The following SYT16 variants were observed in gnomAD, a reference collection of about 807,000 sequenced individuals.
SYT16 encodes synaptotagmin 16.
A neutral mutation model predicts 61.4 loss-of-function variants in SYT16; 42 were observed. The observed-to-expected ratio is 0.68, with a 90% CI of 0.53 to 0.89. The LOEUF is 0.89. Among genes scored for constraint, SYT16 ranks in the 40% least tolerant of loss-of-function variants. The pLI is 0.00. For synonymous variants in SYT16, 314 were observed against 302.3 expected, an observed-to-expected ratio of 1.04 and a Z score of -0.40; for missense variants, 804 against 807.3, an observed-to-expected ratio of 1.00 and a Z score of 0.05.
chr14:62,062,222 C>CT (rs1485035605), intron 3 of SYT16, among the ~76,000 whole-genome samples: 5 of 152,054 alleles, frequency 3.3e-5, no homozygotes, highest in Admixed American at 1.3e-4. Flanking sequence ...AGATGTTGAT[C>CT]TTTTTTCTGC....
intron 1 of SYT16, among the ~76,000 whole-genome samples, chr14:61,853,512 A>C (rs988129185): frequency 2.0e-5 from 3 of 152,178 alleles, no homozygotes; most frequent in African/African-American, 7.2e-5. Context: ...AGGCCTTCAT[A>C]AAATAGGGCT....
chr14:62,018,303 T>A (rs796293385), intron 3 of SYT16, among the ~76,000 whole-genome samples: 1 of 92,980 alleles, frequency 1.1e-5, no homozygotes, highest in South Asian at 4.3e-4. Flanking sequence ...TTCTTCTTTT[T>A]TTTTTTTTTT....
At chr14:61,905,454 G>C (rs763286436) in intron 1 of SYT16, among the ~76,000 whole-genome samples, 8 of 152,250 alleles carry the variant, frequency 5.3e-5, no homozygotes, top group Non-Finnish European at 8.8e-5. Flanking sequence ...AGAAGTGGCT[G>C]TCTAGGTAGG....
intron 3 of SYT16, among the ~76,000 whole-genome samples, chr14:62,050,876 G>A (rs112366983): frequency 0.07 from 10,660 of 152,162 alleles, 476 homozygotes; most frequent in East Asian, 0.12. Flanking sequence ...GTGTCAGTCC[G>A]CCCCTACTGG....
intron 1 of SYT16, among the ~76,000 whole-genome samples, chr14:61,871,512 A>T (rs1018217149): frequency 2.6e-5 from 4 of 152,152 alleles, no homozygotes; most frequent in African/African-American, 9.7e-5. Context: ...CTGTCCCGTG[A>T]CCTGCTCTCC....
chr14:62,061,847 G>A (rs1338092458), intron 3 of SYT16, among the ~76,000 whole-genome samples: 1 of 152,024 alleles, frequency 6.6e-6, no homozygotes, highest in Admixed American at 6.5e-5. Context: ...AAAAAAAACA[G>A]CAAGTATATA....
At chr14:61,823,574 C>CAAAAAAAAAAAA (rs55935256) in intron 1 of SYT16, among the ~76,000 whole-genome samples, 47 of 70,788 alleles carry the variant, frequency 6.6e-4, no homozygotes, top group Non-Finnish European at 8.0e-4. Context: ...ACTAAAAATA[C>CAAAAAAAAAAAA]AAAAAAAAAA....
rs1266652217 is a variant in SYT16 at position 62,107,646 on chromosome 14, A to G, written c.*6939A>G. ...ATTTTTGGCTTAATGTATTTCTGTA[A>G]TTGTCTCTTTCCCCCTTTGAAAGGC... On this transcript the variant is annotated 3_prime_UTR_variant, in exon 8 of 8. Transcript: ENST00000683842. 1 of 152,062 alleles carries G rather than the reference A, an allele frequency of 6.6e-6. No individual in the cohort carries two copies. The highest frequency in any genetic ancestry group is 1.5e-5 in the Non-Finnish European group (1 of 67,982). 9.4% of individuals were successfully genotyped at this position (152,062 alleles called of 1,614,324 possible). A position where few individuals can be genotyped will look rare whatever the true frequency, so the allele number is the denominator to read the frequency against.
At chr14:62,050,241 C>G (rs1021360757) in intron 3 of SYT16, among the ~76,000 whole-genome samples, 1 of 152,166 alleles carries the variant, frequency 6.6e-6, no homozygotes, top group Non-Finnish European at 1.5e-5. Context: ...TTTGCTGATA[C>G]CCTTTCTTCC....
intron 1 of SYT16, among the ~76,000 whole-genome samples, chr14:61,906,745 C>G (rs915450405): frequency 6.6e-6 from 1 of 150,388 alleles, no homozygotes. Flanking sequence ...ATCCATCCAT[C>G]CATCCTTCCG....
At chr14:61,988,842 T>C (rs1003699456) in intron 2 of SYT16, among the ~76,000 whole-genome samples, 2 of 151,756 alleles carry the variant, frequency 1.3e-5, no homozygotes, top group African/African-American at 4.8e-5. Context: ...AAAATCACTT[T>C]ACCTTTTTTT....
intron 1 of SYT16, among the ~76,000 whole-genome samples, chr14:61,829,565 G>T (rs564223418): frequency 6.6e-6 from 1 of 151,596 alleles, no homozygotes; most frequent in Non-Finnish European, 1.5e-5. Flanking sequence ...TTTGGTTATT[G>T]TCCCACAGCT....
intron 7 of SYT16, among the ~76,000 whole-genome samples, chr14:62,097,601 C>T (rs1424378589): frequency 2.6e-5 from 4 of 152,160 alleles, no homozygotes; most frequent in Admixed American, 1.3e-4. Flanking sequence ...TAGATGTTTC[C>T]GTTTTGAACT....
chr14:62,028,356 C>G (rs144287099), intron 3 of SYT16, among the ~76,000 whole-genome samples: 38 of 152,320 alleles, frequency 2.5e-4, no homozygotes, highest in Non-Finnish European at 4.0e-4. Context: ...TACACTAAAT[C>G]ATTCAATCCT....
intron 1 of SYT16, among the ~76,000 whole-genome samples, chr14:61,849,216 C>G (rs1003711339): frequency 2.0e-5 from 3 of 152,136 alleles, no homozygotes; most frequent in African/African-American, 7.2e-5. Flanking sequence ...ACTCTTCTCT[C>G]TCCTCTCCTG....
chr14:61,933,467 G>T (rs2049856260), intron 1 of SYT16, among the ~76,000 whole-genome samples: 1 of 152,200 alleles, frequency 6.6e-6, no homozygotes, highest in South Asian at 2.1e-4. Flanking sequence ...ACAGTTATGT[G>T]ATTTTTCTCT....
chr14:61,969,874 A>T (rs971639081), intron 1 of SYT16, among the ~76,000 whole-genome samples: 1 of 152,160 alleles, frequency 6.6e-6, no homozygotes, highest in Non-Finnish European at 1.5e-5. Context: ...CTCCAGGTAG[A>T]AGAAACTACA....
chr14:62,102,280 A>C lies in SYT16; in HGVS notation c.*1573A>C, dbSNP rs1462666118. The C allele has an allele frequency of 6.6e-6, 1 of 152,202 alleles. No individual in the cohort carries two copies. The highest frequency in any genetic ancestry group is 1.5e-5 in the Non-Finnish European group (1 of 68,030). 9.4% of individuals were successfully genotyped at this position (152,202 alleles called of 1,614,324 possible). ...TACAGTGTGTAATGGTTATCCTGACAAGACCAGACTAGGGCACAGGATAAC... is the reference window on the plus strand; with the variant it reads ...TACAGTGTGTAATGGTTATCCTGACCAGACCAGACTAGGGCACAGGATAAC... On this transcript the variant is annotated 3_prime_UTR_variant, in exon 8 of 8. Transcript: ENST00000683842.
chr14:62,010,721 T>G (rs1046825014), intron 3 of SYT16, among the ~76,000 whole-genome samples: 2 of 152,114 alleles, frequency 1.3e-5, no homozygotes, highest in Non-Finnish European at 2.9e-5. Flanking sequence ...AAATTGTTTG[T>G]CTTTTTTTTT....
Sources: gnomAD v4.1 joint callset for allele counts (sites outside exome capture counted in the v4.1 genomes callset) on GRCh38, gnomAD v4.1.1 for gene constraint, MANE v1.5 for transcripts, NCBI Gene and HGNC (gene_info 2026-07-23, HGNC 2026-07-21) for gene names.